RALGAPB: variants seen among roughly 807,000 people sequenced by gnomAD.
The protein encoded by RALGAPB is ral GTPase-activating protein subunit beta.
Under a neutral mutation model 161.1 loss-of-function variants are expected in RALGAPB, and 25 were observed. The observed-to-expected ratio is 0.16, with a 90% confidence interval of 0.11 to 0.22. The LOEUF (loss-of-function observed/expected upper bound fraction) is 0.22, where lower values mean the gene tolerates loss of function less well. Ranked by LOEUF, RALGAPB falls within the 10% of genes least tolerant of loss-of-function variation. The probability of loss-of-function intolerance (pLI) is 1.00; values close to 1 mark genes in which losing one functional copy is unlikely to be tolerated. For synonymous variants in RALGAPB, 629 were observed against 626.1 expected (o/e 1.00, Z -0.07); for missense variants, 1,391 against 1,815.2 (o/e 0.77, Z 4.25).
Position 38,578,653 on chromosome 20 carries a change from T to G in RALGAPB, c.*3686T>G, listed in dbSNP as rs1194015143. ...TCTTATTGTATTTTCTGTAAATATT[T>G]CTGGCACTGAACTGTAAAGTAAAGG... On this transcript the variant is annotated 3_prime_UTR_variant, in exon 30 of 30. Coordinates refer to ENST00000262879, the MANE Select transcript of RALGAPB (RefSeq NM_020336.4). 6.6e-6 allele frequency: 1 copy of G among 152,636 alleles called. No individual in the cohort carries two copies. The highest frequency in any genetic ancestry group is 2.4e-5 in the African/African-American group (1 of 41,436). The allele number at this position is 152,636 out of a possible 1,614,324, so 9.5% of individuals were successfully genotyped here.
intron 1 of RALGAPB, among the ~76,000 whole-genome samples, chr20:38,474,843 T>C (rs371048817): frequency 6.6e-6 from 1 of 152,218 alleles, no homozygotes. Context: ...TTTTACTCAG[T>C]GGAATGTTTG....
chr20:38,549,323 G>A (rs893079528), intron 20 of RALGAPB, among the ~76,000 whole-genome samples: 6 of 151,746 alleles, frequency 4.0e-5, no homozygotes, highest in African/African-American at 1.5e-4. Context: ...AAGCTCCTGG[G>A]CTCCAGTGAT....
intron 8 of RALGAPB, 40 bp downstream of exon 8, chr20:38,517,694 G>A: frequency 6.2e-7 from 1 of 1,610,216 alleles, no homozygotes; most frequent in African/African-American, 1.3e-5. Context: ...ATATAAGGTT[G>A]GCTTTTTAAT....
At chr20:38,512,670 T>C (rs2085995853) in intron 6 of RALGAPB, among the ~76,000 whole-genome samples, 2 of 152,248 alleles carry the variant, frequency 1.3e-5, no homozygotes, top group South Asian at 4.1e-4. Context: ...GCCTCTGATA[T>C]ATGGAATTTT....
At chr20:38,486,127 G>T (rs1415935857) in intron 1 of RALGAPB, among the ~76,000 whole-genome samples, 1 of 151,858 alleles carries the variant, frequency 6.6e-6, no homozygotes, top group Admixed American at 6.6e-5. Flanking sequence ...GTGACACCAT[G>T]CCCAGCTAAT....
chr20:38,506,941 A>G (rs928020839), intron 5 of RALGAPB, among the ~76,000 whole-genome samples: 4 of 152,238 alleles, frequency 2.6e-5, no homozygotes, highest in Non-Finnish European at 4.4e-5. Context: ...GAACATGAAT[A>G]TTATGAATCT....
intron 2 of RALGAPB, among the ~76,000 whole-genome samples, chr20:38,489,956 T>TC (rs990575520): frequency 3.3e-5 from 5 of 152,062 alleles, no homozygotes; most frequent in African/African-American, 1.2e-4. Context: ...CCCTTTTTTT[T>TC]CTCCTTTCTC....
chr20:38,570,944 A>G (rs2088211404), intron 28 of RALGAPB, 97 bp downstream of exon 28: 1 of 788,190 alleles, frequency 1.3e-6, no homozygotes, highest in Non-Finnish European at 2.0e-6. Flanking sequence ...AGAGTTGTAG[A>G]CAACTAGAAA....
chr20:38,551,311 T>C (rs961876756), intron 21 of RALGAPB, 88 bp downstream of exon 21: 27 of 1,432,724 alleles, frequency 1.9e-5, no homozygotes, highest in African/African-American at 1.7e-4. Context: ...TTTAGTGTTG[T>C]TGGAGATGAT....
At chr20:38,557,702 T>G (rs973505597) in intron 22 of RALGAPB, among the ~76,000 whole-genome samples, 13 of 152,242 alleles carry the variant, frequency 8.5e-5, no homozygotes, top group Non-Finnish European at 1.6e-4. Flanking sequence ...TGTGTCTTTT[T>G]GGGTTGGTGG....
Position 38,551,231 on chromosome 20 carries a change from C to T in RALGAPB, c.3162+8C>T. 6.2e-7 allele frequency: 1 copy of T among 1,612,398 alleles called. No homozygotes were observed. Among genetic ancestry groups the T allele is most frequent in the East Asian group, 2.2e-5 (1 of 44,848 alleles). ...GAAATAGTCACTGAAGAAGTAAGTA[C>T]ATTATTTTTAGCTGTTGTCAAGGGG... is the stretch of plus-strand genomic sequence containing the variant. On this transcript the variant is annotated splice_region_variant and intron_variant, in intron 21 of 29. Coordinates refer to ENST00000262879, the MANE Select transcript of RALGAPB (RefSeq NM_020336.4).
In RALGAPB at chr20:38,574,778, T is replaced by G; in HGVS notation, c.4296T>G (p.Phe1432Leu). Residue 1432 changes from phenylalanine (F) to leucine (L), a missense_variant, in exon 30 of 30, where the codon TTT becomes TTG. Physicochemically the swap from Phe to Leu is conservative, Grantham distance 22. This residue lies in a region of RALGAPB where 436 missense variants were observed against 527.0 expected (regional missense o/e 0.83). Coordinates refer to ENST00000262879, the MANE Select transcript of RALGAPB (RefSeq NM_020336.4). Reference protein sequence around the residue: ...GMIVSRRALGFLVRQTVINIC... With the variant: ...GMIVSRRALGLLVRQTVINIC... The stretch of plus-strand genomic sequence containing the variant: ...TTAAAACTCTCTATTTTCAAGGCTT[T>G]CTGGTGAGGCAGACTGTAATTAACA... 6.2e-7 allele frequency: 1 copy of G among 1,613,384 alleles called. No individual in the cohort carries two copies. Among genetic ancestry groups the G allele is most frequent in the Non-Finnish European group, 8.5e-7 (1 of 1,179,346 alleles).
chr20:38,544,542 A>G (rs2087091276), intron 18 of RALGAPB, among the ~76,000 whole-genome samples: 1 of 152,150 alleles, frequency 6.6e-6, no homozygotes, highest in Admixed American at 6.5e-5. Context: ...ATCTTGACTC[A>G]CTGCAACTGC....
At chr20:38,548,935 ATC>A in intron 20 of RALGAPB, 140 bp downstream of exon 20, 1 of 665,600 alleles carries the variant, frequency 1.5e-6, no homozygotes, top group Non-Finnish European at 2.6e-6. Flanking sequence ...TATCAGAATC[ATC>A]TAGGAACCTA....
chr20:38,500,987 G>A (rs932801423), intron 5 of RALGAPB, among the ~76,000 whole-genome samples: 6 of 152,314 alleles, frequency 3.9e-5, no homozygotes, highest in Non-Finnish European at 5.9e-5. Flanking sequence ...GCCGAGGTTG[G>A]TTCATGAGGT....
intron 13 of RALGAPB, among the ~76,000 whole-genome samples, chr20:38,530,370 A>G (rs1275974415): frequency 1.3e-5 from 2 of 152,120 alleles, no homozygotes; most frequent in Non-Finnish European, 2.9e-5. Context: ...GGCATCATGT[A>G]TGGTCTGTAA....
At chr20:38,519,446 C>A (rs2086226177) in intron 9 of RALGAPB, among the ~76,000 whole-genome samples, 1 of 151,968 alleles carries the variant, frequency 6.6e-6, no homozygotes, top group Non-Finnish European at 1.5e-5. Flanking sequence ...GGGTATAGAG[C>A]TGTTGACACT....
intron 29 of RALGAPB, 120 bp from the exon 30 acceptor site, chr20:38,574,650 GGGAA>G (rs1204045927): frequency 1.1e-6 from 1 of 945,696 alleles, no homozygotes; most frequent in Admixed American, 2.2e-5. Context: ...CTCTGGGGAT[GGGAA>G]GTTTGCAAAT....
chr20:38,562,082 T>G (rs2087804957), intron 23 of RALGAPB, among the ~76,000 whole-genome samples: 1 of 152,234 alleles, frequency 6.6e-6, no homozygotes, highest in African/African-American at 2.4e-5. Flanking sequence ...ACCTAATGTT[T>G]ATTGAATTTT....
Sources: gnomAD v4.1 joint callset for allele counts (sites outside exome capture counted in the v4.1 genomes callset) on GRCh38, gnomAD v4.1.1 for gene constraint, gnomAD v4.1.1 regional missense constraint, MANE v1.5 for transcripts, NCBI Gene and HGNC (gene_info 2026-07-23, HGNC 2026-07-21) for gene names.